Variants in KIAA1328 observed in about 807,000 individuals in gnomAD.
KIAA1328 encodes KIAA1328, also known as protein hinderin.
A neutral mutation model predicts 68.1 loss-of-function variants in KIAA1328; 52 were observed. The observed-to-expected ratio is 0.76, with a 90% CI of 0.61 to 0.96. The LOEUF (loss-of-function observed/expected upper bound fraction) is 0.96, where lower values mean the gene tolerates loss of function less well. Among genes scored for constraint, KIAA1328 ranks in the 40% least tolerant of loss-of-function variants. KIAA1328 has a pLI of 0.00. For missense variants in KIAA1328, 641 were observed against 677.6 expected (o/e 0.95, Z 0.60); for synonymous variants, 232 against 239.4 (o/e 0.97, Z 0.28).
At position 37,224,692 on chromosome 18, in the gene KIAA1328, T is replaced by C. The variant is rs1304501185; in HGVS notation, c.*2465T>C. 2 of 985,312 alleles carry C rather than the reference T, an allele frequency of 2.0e-6. No individual in the cohort carries two copies. Among genetic ancestry groups the C allele is most frequent in the Non-Finnish European group, 2.4e-6 (2 of 829,936 alleles). 61.0% of individuals were successfully genotyped at this position (985,312 alleles called of 1,614,324 possible). A position where few individuals can be genotyped will look rare whatever the true frequency, so the allele number is the denominator to read the frequency against. On this transcript the variant is annotated 3_prime_UTR_variant, in exon 10 of 10. Coordinates refer to ENST00000280020, the MANE Select transcript of KIAA1328 (RefSeq NM_020776.3). ...AGAGAAAGGATCTGGCACAAAGGAA[T>C]CTGCCTTTCCTCCGTCTCAAGTCTC... is the stretch of plus-strand genomic sequence containing the variant.
intron 6 of KIAA1328, among the ~76,000 whole-genome samples, chr18:37,042,834 T>A (rs2055310001): frequency 6.6e-6 from 1 of 152,198 alleles, no homozygotes; most frequent in African/African-American, 2.4e-5. Flanking sequence ...TTTCTGACAC[T>A]TTATCTCTCT....
chr18:36,946,471 A>G (rs1196626934), intron 5 of KIAA1328: 2 of 152,164 alleles, frequency 1.3e-5, no homozygotes, highest in Non-Finnish European at 2.9e-5. Flanking sequence ...GTTAGACCCT[A>G]CCTCAGATCT....
intron 6 of KIAA1328, among the ~76,000 whole-genome samples, chr18:36,968,739 A>T (rs1286302367): frequency 6.6e-6 from 1 of 152,210 alleles, no homozygotes; most frequent in African/African-American, 2.4e-5. Context: ...TAAGTCAGAA[A>T]ATTAACAAAG....
intron 7 of KIAA1328, among the ~76,000 whole-genome samples, chr18:37,155,257 C>G (rs1317533224): frequency 6.6e-6 from 1 of 152,138 alleles, no homozygotes; most frequent in Non-Finnish European, 1.5e-5. Flanking sequence ...AACTCTGCCT[C>G]CCTCAACTCT....
intron 6 of KIAA1328, among the ~76,000 whole-genome samples, chr18:37,021,839 C>T (rs1478373892): frequency 1.3e-5 from 2 of 151,916 alleles, no homozygotes; most frequent in African/African-American, 4.8e-5. Context: ...GAGATCAAGA[C>T]CATCCTGGCT....
At chr18:36,974,893 A>G (rs2052397792) in intron 6 of KIAA1328, among the ~76,000 whole-genome samples, 1 of 152,214 alleles carries the variant, frequency 6.6e-6, no homozygotes, top group Admixed American at 6.5e-5. Flanking sequence ...AGTATAATCT[A>G]GTACTAAACA....
At chr18:36,843,552 A>G (rs1005175844) in intron 3 of KIAA1328, among the ~76,000 whole-genome samples, 6 of 152,204 alleles carry the variant, frequency 3.9e-5, no homozygotes, top group African/African-American at 1.4e-4. Context: ...TGGTGTTTAA[A>G]GAGCACAGAC....
At chr18:36,948,892 G>A (rs1272713814) in intron 5 of KIAA1328, among the ~76,000 whole-genome samples, 1 of 152,148 alleles carries the variant, frequency 6.6e-6, no homozygotes, top group Non-Finnish European at 1.5e-5. Flanking sequence ...TTTGGAGCTG[G>A]TAGTTTTCAG....
chr18:36,965,509 C>T (rs1358353687), intron 6 of KIAA1328, among the ~76,000 whole-genome samples: 1 of 3,026 alleles, frequency 3.3e-4, no homozygotes, highest in Non-Finnish European at 5.6e-4. Context: ...CAAAATTAGC[C>T]AGGCGTGGTG....
At chr18:37,173,421 T>A (rs2059538906) in intron 9 of KIAA1328, among the ~76,000 whole-genome samples, 1 of 152,254 alleles carries the variant, frequency 6.6e-6, no homozygotes, top group South Asian at 2.1e-4. Context: ...CTGAAATCAT[T>A]GCTATTGAAC....
At chr18:37,039,215 T>G (rs944125063) in intron 6 of KIAA1328, among the ~76,000 whole-genome samples, 2 of 152,166 alleles carry the variant, frequency 1.3e-5, no homozygotes, top group Non-Finnish European at 2.9e-5. Flanking sequence ...TGGTAATACT[T>G]GTCTCTTATA....
chr18:37,170,050 G>T (rs991804687), intron 8 of KIAA1328, among the ~76,000 whole-genome samples: 1 of 151,990 alleles, frequency 6.6e-6, no homozygotes, highest in African/African-American at 2.4e-5. Context: ...ACTCCTATTT[G>T]TCTGTCTTAA....
chr18:37,083,906 T>C (rs2151808875), intron 7 of KIAA1328, among the ~76,000 whole-genome samples: 1 of 152,342 alleles, frequency 6.6e-6, no homozygotes, highest in African/African-American at 2.4e-5. Context: ...TCTAACCAAC[T>C]TAATCTTCCC....
chr18:37,165,964 AC>A (rs2059381366), intron 8 of KIAA1328, among the ~76,000 whole-genome samples: 1 of 151,668 alleles, frequency 6.6e-6, no homozygotes, highest in Non-Finnish European at 1.5e-5. Context: ...TTCTGTACTT[AC>A]AATCATGTTA....
rs116984808 is a variant in KIAA1328, at chr18:36,869,727, A to C, written c.333-15830A>C. On this transcript the variant is annotated intron_variant, in intron 4 of 9. Transcript: ENST00000280020. Reference sequence around the variant, plus strand: ...AGAAGAAAGGAAGTATCACTGAGCTAAGGGAAGGGAGAAGAGGTAACCAGA... The same window carrying C: ...AGAAGAAAGGAAGTATCACTGAGCTCAGGGAAGGGAGAAGAGGTAACCAGA... 1.1e-3 allele frequency among the ~76,000 whole-genome samples: 169 copies of C among 152,330 alleles called. 1 individual carries two copies. The East Asian group carries it at 0.02, about 18-fold the overall frequency.
chr18:36,960,200 T>C (rs1438509297), intron 6 of KIAA1328, among the ~76,000 whole-genome samples: 1 of 152,198 alleles, frequency 6.6e-6, no homozygotes, highest in Non-Finnish European at 1.5e-5. Context: ...GGAGCCTTGC[T>C]CACTGCTAAC....
At chr18:36,869,485 TC>T (rs1402638960) in intron 4 of KIAA1328, among the ~76,000 whole-genome samples, 1 of 152,132 alleles carries the variant, frequency 6.6e-6, no homozygotes, top group Non-Finnish European at 1.5e-5. Context: ...GTGGATAATT[TC>T]CTGTGACCTT....
At chr18:37,173,650 G>T (rs187825543) in intron 9 of KIAA1328, among the ~76,000 whole-genome samples, 2 of 152,168 alleles carry the variant, frequency 1.3e-5, no homozygotes, top group Non-Finnish European at 2.9e-5. Context: ...TTTCTTCAGG[G>T]ATATGATTGG....
intron 6 of KIAA1328, among the ~76,000 whole-genome samples, chr18:36,966,487 A>G (rs1487795824): frequency 6.6e-6 from 1 of 152,192 alleles, no homozygotes; most frequent in African/African-American, 2.4e-5. Flanking sequence ...GGAGGGAGCT[A>G]TATTAGAGTG....
Sources: gnomAD v4.1 joint callset for allele counts (sites outside exome capture counted in the v4.1 genomes callset) on GRCh38, gnomAD v4.1.1 for gene constraint, MANE v1.5 for transcripts, NCBI Gene and HGNC (gene_info 2026-07-23, HGNC 2026-07-21) for gene names.